STYXL1: variants seen among roughly 807,000 people sequenced by gnomAD.
STYXL1 encodes the protein serine/threonine/tyrosine-interacting-like protein 1.
STYXL1 carries 32 observed loss-of-function variants against 36.4 expected under a neutral mutation model. That is an observed-to-expected ratio of 0.88 (90% CI 0.66 to 1.18). The LOEUF is 1.18. STYXL1 is among the 50% of genes most tolerant of loss of function. STYXL1 has a pLI of 0.00. For missense variants in STYXL1, 354 were observed against 394.1 expected (o/e 0.90, Z 0.86); for synonymous variants, 133 against 144.1 (o/e 0.92, Z 0.55).
chr7:76,008,626 C>T (rs1585206695), intron 5 of STYXL1, among the ~76,000 whole-genome samples: 1 of 152,214 alleles, frequency 6.6e-6, no homozygotes, highest in South Asian at 2.1e-4. Flanking sequence ...GCCCAATTTA[C>T]TCCAGCATGT....
At chr7:76,003,101 C>A (rs1791199238) in intron 7 of STYXL1, among the ~76,000 whole-genome samples, 1 of 151,830 alleles carries the variant, frequency 6.6e-6, no homozygotes, top group Non-Finnish European at 1.5e-5. Flanking sequence ...ATCTGGAGCC[C>A]CAGGAATGAG....
intron 1 of STYXL1, among the ~76,000 whole-genome samples, chr7:76,033,955 G>C (rs565485075): frequency 6.6e-6 from 1 of 152,268 alleles, no homozygotes; most frequent in South Asian, 2.1e-4. Flanking sequence ...TGTAAAATGG[G>C]GGTGAGAATA....
intron 1 of STYXL1, among the ~76,000 whole-genome samples, chr7:76,033,562 C>G (rs1554580036): frequency 6.6e-6 from 1 of 152,104 alleles, no homozygotes; most frequent in Non-Finnish European, 1.5e-5. Flanking sequence ...AACGGTTAGG[C>G]TCCACTTCAG....
intron 3 of STYXL1, among the ~76,000 whole-genome samples, chr7:76,025,705 C>T (rs1380840938): frequency 2.0e-5 from 3 of 148,418 alleles, no homozygotes; most frequent in Admixed American, 2.0e-4. Context: ...CAGGAGAATC[C>T]CTTGAACTTG....
chr7:76,047,789 G>A lies in STYXL1; in HGVS notation c.-132C>T, dbSNP rs1797337437. The A allele has an allele frequency of 3.6e-6, 2 of 548,648 alleles. No individual in the cohort carries two copies. Among genetic ancestry groups the A allele is most frequent in the Admixed American group, 9.2e-5 (2 of 21,764 alleles). The allele number at this position is 548,648 out of a possible 1,614,324, so 34.0% of individuals were successfully genotyped here. On this transcript the variant is annotated 5_prime_UTR_variant, in exon 1 of 9. Transcript: ENST00000359697. ...CGCGACTATGGCCAGGCTCCCTGTCGGAGCCTCTGCCTGGGGCCCCACCTG... is the reference window on the plus strand; with the variant it reads ...CGCGACTATGGCCAGGCTCCCTGTCAGAGCCTCTGCCTGGGGCCCCACCTG...
chr7:76,016,095 T>C (rs948962649), intron 4 of STYXL1, among the ~76,000 whole-genome samples: 2 of 152,178 alleles, frequency 1.3e-5, no homozygotes, highest in South Asian at 4.1e-4. Flanking sequence ...TACACATGTA[T>C]CTACATATAC....
intron 5 of STYXL1, among the ~76,000 whole-genome samples, chr7:76,006,778 A>AAAC (rs1791825713): frequency 1.4e-5 from 2 of 148,060 alleles, no homozygotes; most frequent in Non-Finnish European, 3.0e-5. Flanking sequence ...AAAAAAAAAA[A>AAAC]AAAACAAAAC....
In STYXL1 at chr7:76,030,653, A is replaced by G; in HGVS notation, c.-4-126T>C. On this transcript the variant is annotated intron_variant, in intron 1 of 8. Coordinates refer to ENST00000359697, the MANE Select transcript of STYXL1 (RefSeq NM_001317785.2). ...AGCAAAGATGACAGTAATCATGTAA[A>G]TGATCAGGAATGCTTCAAAACTGTA... 17 of 631,464 alleles carry G rather than the reference A, an allele frequency of 2.7e-5. No homozygotes were observed. The South Asian group carries it at 3.1e-4, about 12-fold the overall frequency. The allele number at this position is 631,464 out of a possible 1,614,324, so 39.1% of individuals were successfully genotyped here.
In STYXL1 at chr7:76,017,866, C is replaced by CAA. The variant is rs71082374; in HGVS notation, c.308-3981_308-3980dup. On this transcript the variant is annotated intron_variant, in intron 4 of 8. Coordinates refer to ENST00000359697, the MANE Select transcript of STYXL1 (RefSeq NM_001317785.2). ...GGGCAACAAGAGCAAAACTCCATCT[C>CAA]AAAAAAAAAAAAAAAGGCAAGACAG... Among the ~76,000 whole-genome samples the CAA allele has an allele frequency of 8.1e-3, 84 of 10,366 alleles. 15 individuals carry two copies. The South Asian group carries it at 0.24, about 30-fold the overall frequency. The allele number at this position is 10,366 out of a possible 152,430, so 6.8% of individuals were successfully genotyped here.
intron 2 of STYXL1, among the ~76,000 whole-genome samples, chr7:76,029,275 T>C (rs1795065839): frequency 1.3e-5 from 2 of 152,164 alleles, no homozygotes; most frequent in South Asian, 2.1e-4. Context: ...GCCTCCCTAG[T>C]AGCTGGGACC....
intron 1 of STYXL1, among the ~76,000 whole-genome samples, chr7:76,031,440 C>T (rs1044236866): frequency 3.3e-5 from 5 of 150,216 alleles, no homozygotes; most frequent in East Asian, 2.0e-4. Flanking sequence ...GTTGGCTGGG[C>T]GCAGTAGCTC....
At chr7:75,998,371 T>C (rs1272872059) in intron 8 of STYXL1, among the ~76,000 whole-genome samples, 5 of 152,122 alleles carry the variant, frequency 3.3e-5, no homozygotes, top group African/African-American at 9.7e-5. Context: ...AATCTCAGCT[T>C]ACTGCAACCT....
chr7:75,999,684 A>G (rs1263860567), intron 8 of STYXL1, among the ~76,000 whole-genome samples: 1 of 151,740 alleles, frequency 6.6e-6, no homozygotes, highest in Non-Finnish European at 1.5e-5. Flanking sequence ...AGTAGCTGGG[A>G]TTACAGGCAC....
At chr7:76,016,651 T>C (rs1793415066) in intron 4 of STYXL1, among the ~76,000 whole-genome samples, 1 of 152,084 alleles carries the variant, frequency 6.6e-6, no homozygotes, top group Non-Finnish European at 1.5e-5. Flanking sequence ...ACATCACTAA[T>C]CATCAGAGAA....
chr7:76,001,313 G>A (rs949205943), intron 7 of STYXL1, among the ~76,000 whole-genome samples: 2 of 152,216 alleles, frequency 1.3e-5, no homozygotes, highest in South Asian at 4.1e-4. Context: ...CCAGTATGGG[G>A]CGGACAGGAC....
intron 6 of STYXL1, among the ~76,000 whole-genome samples, chr7:76,004,455 G>A (rs1176322357): frequency 2.0e-5 from 3 of 151,884 alleles, no homozygotes; most frequent in Non-Finnish European, 2.9e-5. Context: ...TGTAAACCCA[G>A]CACTTTGGGA....
chr7:76,038,439 T>TTTC (rs1796146912), intron 1 of STYXL1, among the ~76,000 whole-genome samples: 3 of 131,080 alleles, frequency 2.3e-5, no homozygotes, highest in Non-Finnish European at 5.3e-5. Flanking sequence ...TTTTTTTTTT[T>TTTC]CCTGAGACGG....
intron 5 of STYXL1, among the ~76,000 whole-genome samples, chr7:76,010,341 G>T (rs1792404498): frequency 6.6e-6 from 1 of 152,136 alleles, no homozygotes; most frequent in Non-Finnish European, 1.5e-5. Context: ...GGATGTCTTT[G>T]GGAGCCAGGC....
At chr7:76,011,046 A>G (rs1792493706) in intron 5 of STYXL1, among the ~76,000 whole-genome samples, 1 of 152,066 alleles carries the variant, frequency 6.6e-6, no homozygotes, top group South Asian at 2.1e-4. Context: ...AAGACCCTGT[A>G]TCTGCAAAAA....
Sources: allele counts gnomAD v4.1 joint callset (sites outside exome capture counted in the v4.1 genomes callset), GRCh38; gene constraint gnomAD v4.1.1; transcripts MANE v1.5; gene names NCBI Gene and HGNC (gene_info 2026-07-23, HGNC 2026-07-21).